The following PARD3B variants were observed in gnomAD, a reference collection of about 807,000 sequenced individuals.
The protein encoded by PARD3B is partitioning defective 3 homolog B.
A neutral mutation model predicts 130.2 loss-of-function variants in PARD3B; 103 were observed. The ratio of observed to expected loss-of-function variants is 0.79; its 90% CI spans 0.67 to 0.93. The LOEUF (loss-of-function observed/expected upper bound fraction) is 0.93. PARD3B is among the 40% of genes least tolerant of loss of function. The pLI is 0.00. For synonymous variants in PARD3B, 583 were observed against 553.2 expected, an observed-to-expected ratio of 1.05 and a Z score of -0.76; for missense variants, 1,609 against 1,499.2, an observed-to-expected ratio of 1.07 and a Z score of -1.21.
intron 16 of PARD3B, among the ~76,000 whole-genome samples, chr2:205,298,316 A>C (rs1210400266): frequency 6.6e-6 from 1 of 152,050 alleles, no homozygotes; most frequent in Non-Finnish European, 1.5e-5. Context: ...TATACACCCA[A>C]ACCTCTGTGA....
chr2:205,382,714 G>T lies in PARD3B; in HGVS notation c.2631-18299G>T, dbSNP rs928725883. Among the ~76,000 whole-genome samples, 10 of 152,002 alleles carry T rather than the reference G, an allele frequency of 6.6e-5. No homozygotes were observed. The East Asian group carries it at 1.9e-3, about 29-fold the overall frequency. On this transcript the variant is annotated intron_variant, in intron 18 of 22. Coordinates refer to ENST00000406610, the MANE Select transcript of PARD3B (RefSeq NM_001302769.2). ...AACTATACTTTCTCCCACCACTAAT[G>T]TCTCTATTCGCTTAGTTATGTCATT...
chr2:204,575,259 A>C (rs111733563), intron 1 of PARD3B, among the ~76,000 whole-genome samples: 1 of 152,220 alleles, frequency 6.6e-6, no homozygotes, highest in African/African-American at 2.4e-5. Context: ...TGTACTTGAA[A>C]TGAATTTGCT....
intron 1 of PARD3B, among the ~76,000 whole-genome samples, chr2:204,552,655 A>G (rs2030547180): frequency 6.6e-6 from 1 of 152,208 alleles, no homozygotes; most frequent in Non-Finnish European, 1.5e-5. Flanking sequence ...TCCTTGATCC[A>G]CTTTGAGTTG....
At chr2:205,057,405 ATATACATATACATATATACATGTATATG>A (rs1411258812) in intron 4 of PARD3B, among the ~76,000 whole-genome samples, 6 of 134,688 alleles carry the variant, frequency 4.5e-5, no homozygotes, top group Non-Finnish European at 9.6e-5. Flanking sequence ...TATATGTGTT[ATATACATATACATATATACATGTATATG>A]TGTTATATAC....
At chr2:205,387,446 T>A (rs2045701403) in intron 18 of PARD3B, among the ~76,000 whole-genome samples, 1 of 152,190 alleles carries the variant, frequency 6.6e-6, no homozygotes, top group Admixed American at 6.5e-5. Flanking sequence ...AGAACTGAGA[T>A]AATGGGTGGA....
intron 3 of PARD3B, among the ~76,000 whole-genome samples, chr2:205,031,501 A>G (rs1327070617): frequency 1.3e-5 from 2 of 152,188 alleles, no homozygotes; most frequent in Non-Finnish European, 2.9e-5. Flanking sequence ...GACAAGTTCA[A>G]ACGCTGCTGA....
chr2:205,537,380 T>C (rs1458560142), intron 21 of PARD3B, among the ~76,000 whole-genome samples: 2 of 152,108 alleles, frequency 1.3e-5, no homozygotes, highest in African/African-American at 4.8e-5. Flanking sequence ...TCATGGCAAG[T>C]GTTGGTTTCT....
intron 18 of PARD3B, among the ~76,000 whole-genome samples, chr2:205,386,371 A>G (rs2045661020): frequency 6.6e-6 from 1 of 152,186 alleles, no homozygotes; most frequent in Non-Finnish European, 1.5e-5. Flanking sequence ...CCTTGACCCC[A>G]TTACCACAGT....
chr2:205,082,989 G>A (rs376024419), intron 4 of PARD3B, among the ~76,000 whole-genome samples: 15 of 148,536 alleles, frequency 1.0e-4, no homozygotes, highest in African/African-American at 3.5e-4. Flanking sequence ...ACGTGATCTC[G>A]GCTCACTGCA....
Position 205,279,114 on chromosome 2 carries a change from A to G in PARD3B, c.2186-21416A>G, listed in dbSNP as rs35893647. On this transcript the variant is annotated intron_variant, in intron 16 of 22. Coordinates refer to ENST00000406610, the MANE Select transcript of PARD3B (RefSeq NM_001302769.2). Reference sequence around the variant, plus strand: ...AAAAAAAACAGTTGTTCATTGCCCAATCTCTTTAATTATTATACTAAATTT... The same window carrying G: ...AAAAAAAACAGTTGTTCATTGCCCAGTCTCTTTAATTATTATACTAAATTT... Among the ~76,000 whole-genome samples the G allele has an allele frequency of 5.0e-3, 724 of 144,960 alleles. 2 individuals are homozygous for G. The highest frequency in any genetic ancestry group is 0.021 in the Middle Eastern group (6 of 280).
intron 16 of PARD3B, among the ~76,000 whole-genome samples, chr2:205,246,982 C>CAGA (rs1559583307): frequency 6.6e-6 from 1 of 152,184 alleles, no homozygotes; most frequent in African/African-American, 2.4e-5. Context: ...TTAGGAGCTT[C>CAGA]AGAAGGAAGT....
chr2:205,568,936 A>G lies in PARD3B; in HGVS notation c.3260+15533A>G, dbSNP rs1488792547. 2.0e-5 allele frequency among the ~76,000 whole-genome samples: 3 copies of G among 152,304 alleles called. No homozygotes were observed. The highest frequency in any genetic ancestry group is 2.1e-4 in the South Asian group (1 of 4,830). On this transcript the variant is annotated intron_variant, in intron 22 of 22. Coordinates refer to ENST00000406610, the MANE Select transcript of PARD3B (RefSeq NM_001302769.2). This position sits in a 1 kb window ranked among gnomAD's most constrained non-coding sequence, Gnocchi z 5.3. The stretch of plus-strand genomic sequence containing the variant: ...ACAGGCTACAGGATAAATTCCTAGC[A>G]TGTAATTACCAGGTCAAAGAATGTG...
At chr2:205,612,950 G>C (rs1446170200) in intron 22 of PARD3B, among the ~76,000 whole-genome samples, 1 of 152,104 alleles carries the variant, frequency 6.6e-6, no homozygotes, top group Admixed American at 6.5e-5. Context: ...CCATGTGCTC[G>C]CCGACTGTAC....
intron 2 of PARD3B, among the ~76,000 whole-genome samples, chr2:204,729,846 A>G (rs886606183): frequency 6.6e-5 from 10 of 152,084 alleles, no homozygotes; most frequent in African/African-American, 2.2e-4. Context: ...TTTTTTGTTT[A>G]TCTATTTTAA....
intron 2 of PARD3B, among the ~76,000 whole-genome samples, chr2:204,926,637 C>T (rs769421198): frequency 5.9e-5 from 9 of 152,020 alleles, no homozygotes; most frequent in Non-Finnish European, 1.0e-4. Flanking sequence ...TTATTTCTCT[C>T]GGAAGCAAAC....
Position 205,142,256 on chromosome 2 carries a change from A to T in PARD3B, c.1435-16466A>T, listed in dbSNP as rs1023031273. Among the ~76,000 whole-genome samples, 3 of 152,282 alleles carry T rather than the reference A, an allele frequency of 2.0e-5. No individual in the cohort carries two copies. The highest frequency in any genetic ancestry group is 1.3e-4 in the Admixed American group (2 of 15,302). ...AGAGCATAAGTTTTAGGTGGAGAGA[A>T]TCCCATTTAAATAGTTAAAGAAGGT... On this transcript the variant is annotated intron_variant, in intron 10 of 22. Transcript: ENST00000406610. This position sits in a 1 kb window ranked among gnomAD's most constrained non-coding sequence, Gnocchi z 4.3.
rs2052975900 is a variant in PARD3B, at chr2:205,558,160, A to G, written c.3260+4757A>G. Among the ~76,000 whole-genome samples the G allele has an allele frequency of 1.3e-5, 2 of 152,188 alleles. No homozygotes were observed. The highest frequency in any genetic ancestry group is 4.1e-4 in the South Asian group (2 of 4,828). On this transcript the variant is annotated intron_variant, in intron 22 of 22. Coordinates refer to ENST00000406610, the MANE Select transcript of PARD3B (RefSeq NM_001302769.2). The surrounding 1 kb of genome is among the most constrained non-coding windows in gnomAD (Gnocchi z 4.8). ...GTGCTATGGAGAGGGGGTTTATAAC[A>G]GATACAGCATGCTGACTTGGCTCTA... is the stretch of plus-strand genomic sequence containing the variant.
At chr2:205,323,525 G>A (rs190812225) in intron 18 of PARD3B, among the ~76,000 whole-genome samples, 33 of 152,202 alleles carry the variant, frequency 2.2e-4, no homozygotes, top group African/African-American at 6.5e-4. Context: ...TTTCTAATAC[G>A]CAAAGGGGAC....
intron 3 of PARD3B, among the ~76,000 whole-genome samples, chr2:205,017,193 T>C (rs1696213859): frequency 6.6e-6 from 1 of 152,126 alleles, no homozygotes; most frequent in African/African-American, 2.4e-5. Context: ...AGATATGTAA[T>C]GTAAGGTCAC....
Sources: allele counts gnomAD v4.1 joint callset (sites outside exome capture counted in the v4.1 genomes callset), GRCh38; gene constraint gnomAD v4.1.1; non-coding constraint Gnocchi (gnomAD v3.1); transcripts MANE v1.5; gene names NCBI Gene and HGNC (gene_info 2026-07-23, HGNC 2026-07-21).